WASHC5: variants seen among roughly 807,000 people sequenced by gnomAD.
WASHC5 encodes WASH complex subunit 5, also known as WASH complex subunit strumpellin.
Under a neutral mutation model 150.4 loss-of-function variants are expected in WASHC5, and 101 were observed. The observed-to-expected ratio is 0.67, with a 90% CI of 0.57 to 0.79. The LOEUF (loss-of-function observed/expected upper bound fraction) is 0.79. Among genes scored for constraint, WASHC5 ranks in the 30% least tolerant of loss-of-function variants. The pLI is 0.00. For missense variants in WASHC5, 1,195 were observed against 1,396.3 expected, an observed-to-expected ratio of 0.86 and a Z score of 2.30; for synonymous variants, 467 against 491.2, an observed-to-expected ratio of 0.95 and a Z score of 0.65.
intron 26 of WASHC5, among the ~76,000 whole-genome samples, chr8:125,034,786 A>T (rs1259819644): frequency 6.6e-6 from 1 of 152,194 alleles, no homozygotes; most frequent in Non-Finnish European, 1.5e-5. Context: ...ATGGAGGAAG[A>T]ATCCTAACAG....
intron 26 of WASHC5, among the ~76,000 whole-genome samples, chr8:125,035,172 T>C (rs987237130): frequency 3.9e-5 from 6 of 152,172 alleles, no homozygotes; most frequent in Admixed American, 6.5e-5. Flanking sequence ...CATTAACACA[T>C]CAGTCTTATT....
intron 6 of WASHC5, 54 bp downstream of exon 6, chr8:125,078,684 G>A (rs913003836): frequency 1.5e-6 from 2 of 1,376,808 alleles, no homozygotes; most frequent in African/African-American, 1.4e-5. Context: ...AAAGAGGGAA[G>A]TGAAATCAGT....
intron 5 of WASHC5, 28 bp from the exon 6 acceptor site, chr8:125,078,958 A>G: frequency 6.3e-7 from 1 of 1,590,142 alleles, no homozygotes; most frequent in Non-Finnish European, 8.6e-7. Flanking sequence ...TGGGAAACAA[A>G]GACCCAAAAC....
chr8:125,077,473 C>T (rs1817099246), intron 6 of WASHC5, among the ~76,000 whole-genome samples: 1 of 152,156 alleles, frequency 6.6e-6, no homozygotes, highest in Non-Finnish European at 1.5e-5. Flanking sequence ...TCACCCATGA[C>T]CAGGGATGGG....
At chr8:125,049,487 G>A (rs1186333667) in intron 18 of WASHC5, among the ~76,000 whole-genome samples, 2 of 152,222 alleles carry the variant, frequency 1.3e-5, no homozygotes, top group Admixed American at 6.5e-5. Flanking sequence ...AACCTGGGAG[G>A]CGGAGGCTGC....
At chr8:125,084,109 C>CAAAAA in intron 1 of WASHC5, 87 bp from the exon 2 acceptor site, 1 of 553,270 alleles carries the variant, frequency 1.8e-6, no homozygotes, top group Non-Finnish European at 3.2e-6. Flanking sequence ...CTCCCAAACT[C>CAAAAA]ACTAAAAAAA....
intron 26 of WASHC5, among the ~76,000 whole-genome samples, chr8:125,034,430 G>C (rs946301093): frequency 2.0e-5 from 3 of 152,230 alleles, no homozygotes; most frequent in African/African-American, 7.2e-5. Context: ...TTGAACCCAG[G>C]AGGTGGAGGT....
At chr8:125,062,747 C>A (rs1563624885) in intron 11 of WASHC5, among the ~76,000 whole-genome samples, 1 of 152,120 alleles carries the variant, frequency 6.6e-6, no homozygotes, top group African/African-American at 2.4e-5. Context: ...CAAGAAGCTA[C>A]ACTACTAAGC....
Position 125,047,193 on chromosome 8 carries a change from T to C in WASHC5, c.2504+14A>G, listed in dbSNP as rs747842923. On this transcript the variant is annotated intron_variant, in intron 20 of 28. Coordinates refer to ENST00000318410, the MANE Select transcript of WASHC5 (RefSeq NM_014846.4). ...TGCAGTATTCAGGGCTCTGTAGAAT[T>C]CAGGTACACCTACTTTGGGTCTGTG... 1 of 1,613,866 alleles carries C rather than the reference T, an allele frequency of 6.2e-7. No homozygotes were observed. The highest frequency in any genetic ancestry group is 2.2e-5 in the East Asian group (1 of 44,864).
At chr8:125,030,637 T>TAAAAAAAA (rs71295816) in intron 27 of WASHC5, among the ~76,000 whole-genome samples, 7 of 52,788 alleles carry the variant, frequency 1.3e-4, no homozygotes, top group African/African-American at 5.1e-4. Flanking sequence ...CTCTTTCTCA[T>TAAAAAAAA]AAAAAAAAAA....
intron 10 of WASHC5, among the ~76,000 whole-genome samples, chr8:125,064,588 C>A (rs16900316): frequency 0.33 from 49,839 of 151,116 alleles, 9,779 homozygotes; most frequent in African/African-American, 0.53. Context: ...AGAGAAGAAA[C>A]GGGTGTAACT....
At chr8:125,063,433 T>TA (rs1041772096) in intron 11 of WASHC5, 89 bp downstream of exon 11, 4 of 1,328,092 alleles carry the variant, frequency 3.0e-6, no homozygotes, top group Non-Finnish European at 3.3e-6. Flanking sequence ...AATGAGAACA[T>TA]AAAGTCTTTT....
chr8:125,076,744 TAAA>T (rs59580091), intron 6 of WASHC5, among the ~76,000 whole-genome samples: 4 of 132,258 alleles, frequency 3.0e-5, no homozygotes, highest in Non-Finnish European at 1.6e-5. Context: ...AGTCTTTTCT[TAAA>T]AAAAAAAAAA....
In WASHC5 at chr8:125,044,590, A is replaced by G; in HGVS notation, c.2613T>C (p.Phe871=). 1 of 1,614,188 alleles carries G rather than the reference A, an allele frequency of 6.2e-7. No homozygotes were observed. The highest frequency in any genetic ancestry group is 8.5e-7 in the Non-Finnish European group (1 of 1,180,002). ...FSEIQTTLGT[F]GLNGLDRLLC... ...GAAGCCTGTCTAAGCCATTTAGACC[A>G]AAGGTTCCCAAGGTGGTCTGGATTT... is the stretch of plus-strand genomic sequence containing the variant. The change falls in exon 21 of 29, where the codon TTT becomes TTC. Residue 871 remains phenylalanine, a synonymous_variant. Transcript: ENST00000318410.
intron 27 of WASHC5, among the ~76,000 whole-genome samples, chr8:125,031,239 T>C (rs1234625234): frequency 2.0e-5 from 3 of 152,114 alleles, no homozygotes; most frequent in African/African-American, 7.2e-5. Flanking sequence ...TTTTAGGACT[T>C]AGTAGTATTT....
At position 125,057,614 on chromosome 8, in the gene WASHC5, GGGC is replaced by G; in HGVS notation, c.1814_1816del (p.Ser605_Pro606delinsThr). The stretch of plus-strand genomic sequence containing the variant: ...GTACTGTGACACGCTGAGCAGGTCG[GGGC>G]TATTTGCCTGATTAATACGAAGAAG... On this transcript the variant is annotated inframe_deletion, in exon 15 of 29. Transcript: ENST00000318410. 1 of 1,613,950 alleles carries G rather than the reference GGGC, an allele frequency of 6.2e-7. No individual in the cohort carries two copies. Among genetic ancestry groups the G allele is most frequent in the Middle Eastern group, 1.7e-4 (1 of 6,052 alleles).
At chr8:125,047,037 C>A (rs751729580) in intron 20 of WASHC5, among the ~76,000 whole-genome samples, 170 bp downstream of exon 20, 1 of 152,106 alleles carries the variant, frequency 6.6e-6, no homozygotes, top group African/African-American at 2.4e-5. Context: ...AGTGACAGAC[C>A]GGTATCAGTC....
intron 13 of WASHC5, 34 bp from the exon 14 acceptor site, chr8:125,059,331 C>T (rs1461208612): frequency 1.2e-6 from 2 of 1,613,584 alleles, no homozygotes; most frequent in African/African-American, 2.7e-5. Context: ...AGAAGATGTT[C>T]CTAGGGCCTT....
Position 125,083,777 on chromosome 8 carries a change from C to G in WASHC5, c.122G>C (p.Arg41Thr). The G allele has an allele frequency of 6.2e-7, 1 of 1,613,852 alleles. No individual in the cohort carries two copies. The highest frequency in any genetic ancestry group is 1.1e-5 in the South Asian group (1 of 91,072). The change falls in exon 2 of 29, where the codon AGG becomes ACG. Residue 41 changes from arginine (R) to threonine (T), a missense_variant. Physicochemically the swap from Arg to Thr is moderately conservative, Grantham distance 71. Around this residue, in one of 3 missense-constraint regions of WASHC5, gnomAD observed 195 missense variants for 206.9 expected, o/e 0.94. Transcript: ENST00000318410. Reference protein sequence around the residue: ...RLSEFIPAVFRLKDRADQQKY... With the variant: ...RLSEFIPAVFTLKDRADQQKY... ...CTGTTGATCAGCTCTGTCTTTTAACCTGAACACAGCAGGAATAAACTCAGA... is the reference window on the plus strand; with the variant it reads ...CTGTTGATCAGCTCTGTCTTTTAACGTGAACACAGCAGGAATAAACTCAGA...
Sources: gnomAD v4.1 joint callset for allele counts (sites outside exome capture counted in the v4.1 genomes callset) on GRCh38, gnomAD v4.1.1 for gene constraint, gnomAD v4.1.1 regional missense constraint, MANE v1.5 for transcripts, NCBI Gene and HGNC (gene_info 2026-07-23, HGNC 2026-07-21) for gene names.